Variants in DRP2 observed in about 807,000 individuals in gnomAD.
DRP2 encodes dystrophin related protein 2.
DRP2 carries 29 observed loss-of-function variants against 78.2 expected under a neutral mutation model. That is an observed-to-expected ratio of 0.37 (90% CI 0.28 to 0.51). DRP2 has a LOEUF of 0.51. Ranked by LOEUF, DRP2 falls within the 20% of genes least tolerant of loss-of-function variation. The pLI is 0.94. For synonymous variants in DRP2, 290 were observed against 281.9 expected, an observed-to-expected ratio of 1.03 and a Z score of -0.29; for missense variants, 686 against 770.6, an observed-to-expected ratio of 0.89 and a Z score of 1.30.
At chrX:101,239,545 C>T (rs1922643310) in intron 6 of DRP2, among the ~76,000 whole-genome samples, 1 of 111,621 alleles carries the variant, frequency 9.0e-6, no homozygotes, top group Non-Finnish European at 1.9e-5. Context: ...AAATTCAAGA[C>T]TAGCCTGGGC....
At chrX:101,259,954 G>A in intron 22 of DRP2, 95 bp from the exon 23 acceptor site, 5 of 1,083,543 alleles carry the variant, frequency 4.6e-6, no homozygotes, top group Non-Finnish European at 6.3e-6. Flanking sequence ...TAAAGGGATG[G>A]TATGAAGTCT....
chrX:101,259,481 CTTTA>C (rs1186106991), intron 22 of DRP2, among the ~76,000 whole-genome samples: 2 of 110,826 alleles, frequency 1.8e-5, no homozygotes. Context: ...CAATGCCATT[CTTTA>C]TTTAATTAAT....
chrX:101,258,248 G>A, intron 21 of DRP2, 61 bp from the exon 22 acceptor site: 8 of 1,051,380 alleles, frequency 7.6e-6, no homozygotes, highest in Non-Finnish European at 1.0e-5. Context: ...GGGGACATCT[G>A]AAACCTGGAC....
rs1297327132 is a variant in DRP2, at chrX:101,241,901, A to G, written c.793A>G (p.Ile265Val). The G allele has an allele frequency of 2.6e-6, 3 of 1,171,405 alleles. No homozygotes were observed. The highest frequency in any genetic ancestry group is 3.4e-6 in the Non-Finnish European group (3 of 875,119). ...TTGGGAGCCCATTGGGGATCTCTTC[A>G]TTGATTCACTCCCAGAGCACATCCA... ...ATWEPIGDLF[I>V]DSLPEHIQAI... Residue 265 changes from isoleucine to valine, a missense_variant, in exon 7 of 24, where the codon ATT becomes GTT. Around this residue, in one of 2 missense-constraint regions of DRP2, gnomAD observed 263 missense variants for 239.1 expected, o/e 1.10. Transcript: ENST00000395209.
intron 8 of DRP2, 37 bp from the exon 9 acceptor site, chrX:101,242,867 G>T: frequency 8.5e-7 from 1 of 1,171,094 alleles, no homozygotes; most frequent in East Asian, 3.0e-5. Flanking sequence ...TAAATAGCTG[G>T]AATGAATCTA....
At position 101,248,385 on chromosome X, in the gene DRP2, G is replaced by A. The variant is rs1923008340; in HGVS notation, c.1454+95G>A. The A allele has an allele frequency of 1.4e-5, 15 of 1,105,149 alleles. No individual in the cohort carries two copies. The South Asian group carries it at 2.7e-4, about 20-fold the overall frequency. The allele number at this position is 1,105,149 out of a possible 1,213,427, so 91.1% of individuals were successfully genotyped here. On this transcript the variant is annotated intron_variant, in intron 13 of 23. Coordinates refer to ENST00000395209, the MANE Select transcript of DRP2 (RefSeq NM_001939.3). ...AAGGTGTTGCTCCCATAGTAGACTT[G>A]GACCCAGCTCAGCTTGGGGCATGGT...
intron 3 of DRP2, among the ~76,000 whole-genome samples, chrX:101,234,557 G>A (rs181997761): frequency 8.9e-6 from 1 of 112,773 alleles, no homozygotes; most frequent in Admixed American, 9.3e-5. Flanking sequence ...GCCTCCCTGA[G>A]AGGGCTTGCT....
intron 5 of DRP2, 23 bp from the exon 6 acceptor site, chrX:101,238,958 G>T: frequency 8.3e-7 from 1 of 1,201,483 alleles, no homozygotes; most frequent in South Asian, 1.8e-5. Flanking sequence ...CTTTCCTGTT[G>T]ACCATATTGC....
chrX:101,255,340 G>GCACCACCCCAA, intron 20 of DRP2, 91 bp downstream of exon 20: 1 of 935,671 alleles, frequency 1.1e-6, no homozygotes, highest in East Asian at 3.1e-5. Context: ...CCAGGGAATG[G>GCACCACCCCAA]GGGTGTGTGG....
intron 9 of DRP2, among the ~76,000 whole-genome samples, chrX:101,244,139 T>C (rs1386545890): frequency 9.0e-6 from 1 of 110,809 alleles, no homozygotes; most frequent in African/African-American, 3.3e-5. Context: ...TGATCTGCCT[T>C]ATGTTTCAAC....
intron 2 of DRP2, among the ~76,000 whole-genome samples, chrX:101,225,109 C>T (rs1168970472): frequency 2.7e-5 from 3 of 111,617 alleles, no homozygotes. Flanking sequence ...AATTTCACTT[C>T]TCAGATGTCC....
intron 1 of DRP2, among the ~76,000 whole-genome samples, chrX:101,220,972 A>C (rs758988904): frequency 9.0e-6 from 1 of 111,097 alleles, no homozygotes; most frequent in Non-Finnish European, 1.9e-5. Context: ...CATCGGACCA[A>C]GTGCCCCAGC....
In DRP2 at chrX:101,261,502, G is replaced by A. The variant is rs912919119; in HGVS notation, c.*881G>A. On this transcript the variant is annotated 3_prime_UTR_variant, in exon 24 of 24. Coordinates refer to ENST00000395209, the MANE Select transcript of DRP2 (RefSeq NM_001939.3). ...GTGGCAGCTTGCTGAGCAAGGGAGT[G>A]TTGCTTTCCTTGGGTAAGGAAGAGG... 2 of 111,321 alleles carry A rather than the reference G, an allele frequency of 1.8e-5. No homozygotes were observed. Among genetic ancestry groups the A allele is most frequent in the African/African-American group, 6.5e-5 (2 of 30,563 alleles). 9.2% of individuals were successfully genotyped at this position (111,321 alleles called of 1,213,427 possible). A position where few individuals can be genotyped will look rare whatever the true frequency, so the allele number is the denominator to read the frequency against.
rs769904094 is a variant in DRP2, at chrX:101,240,065, A to C, written c.559+964A>C. 6.2e-5 allele frequency among the ~76,000 whole-genome samples: 7 copies of C among 112,319 alleles called. No individual in the cohort carries two copies. In the East Asian group the frequency reaches 1.9e-3, roughly 31 times the overall value. On this transcript the variant is annotated intron_variant, in intron 6 of 23. Coordinates refer to ENST00000395209, the MANE Select transcript of DRP2 (RefSeq NM_001939.3). Reference sequence around the variant, plus strand: ...CTCTAAAAATAAATAATATACAATAAAATAACAAACTAAAATAATCATAAT... The same window carrying C: ...CTCTAAAAATAAATAATATACAATACAATAACAAACTAAAATAATCATAAT...
At position 101,237,773 on chromosome X, in the gene DRP2, G is replaced by A; in HGVS notation, c.436G>A (p.Ala146Thr). The A allele has an allele frequency of 8.8e-7, 1 of 1,140,718 alleles. No individual in the cohort carries two copies. The highest frequency in any genetic ancestry group is 1.2e-6 in the Non-Finnish European group (1 of 853,740). 94.0% of individuals were successfully genotyped at this position (1,140,718 alleles called of 1,213,427 possible). ...ALVQQEKETH[A>T]AFMEEVKSRG... is the part of the protein sequence containing the mutation. ...GGTGCAACAGGAGAAGGAGACACAT[G>A]CGGTAGGTTAGAATCAGAGAAGCCG... The change falls in exon 5 of 24, where the codon GCG becomes ACG. Residue 146 changes from alanine (A) to threonine (T), a missense_variant and splice_region_variant. Physicochemically the swap from Ala to Thr is moderately conservative, Grantham distance 58. Coordinates refer to ENST00000395209, the MANE Select transcript of DRP2 (RefSeq NM_001939.3).
chrX:101,251,225 C>G, intron 16 of DRP2, 142 bp downstream of exon 16: 7 of 528,328 alleles, frequency 1.3e-5, no homozygotes, highest in Non-Finnish European at 2.0e-5. Context: ...TGTTATAATC[C>G]TTTATATTGC....
chrX:101,256,511 A>G (rs1041717633), intron 21 of DRP2, among the ~76,000 whole-genome samples: 1 of 109,420 alleles, frequency 9.1e-6, no homozygotes, highest in African/African-American at 3.3e-5. Flanking sequence ...TAAGGGTTCA[A>G]TAAATGCTAG....
At chrX:101,230,725 G>A (rs1224207921) in intron 2 of DRP2, among the ~76,000 whole-genome samples, 2 of 109,744 alleles carry the variant, frequency 1.8e-5, no homozygotes, top group African/African-American at 3.3e-5. Context: ...CTGGTCACAC[G>A]GAACACACCA....
intron 1 of DRP2, among the ~76,000 whole-genome samples, chrX:101,220,817 C>A (rs920664711): frequency 9.0e-6 from 1 of 111,489 alleles, no homozygotes; most frequent in African/African-American, 3.3e-5. Context: ...TCCCCCTTAT[C>A]TTCTCCCCTG....
Sources: allele counts gnomAD v4.1 joint callset (sites outside exome capture counted in the v4.1 genomes callset), GRCh38; gene constraint gnomAD v4.1.1; regional missense constraint gnomAD v4.1.1; transcripts MANE v1.5; gene names NCBI Gene and HGNC (gene_info 2026-07-23, HGNC 2026-07-21).